Variants in PTPRD observed in about 807,000 individuals in gnomAD.
PTPRD encodes the protein receptor-type tyrosine-protein phosphatase delta.
In PTPRD, 34 loss-of-function variants were observed where a neutral mutation model predicts 214.5. The observed-to-expected ratio is 0.16, with a 90% confidence interval of 0.12 to 0.21. The LOEUF is 0.21. Ranked by LOEUF, PTPRD falls within the 10% of genes least tolerant of loss-of-function variation. PTPRD has a pLI of 1.00. For missense variants in PTPRD, 2,545 were observed against 2,398.7 expected (o/e 1.06, Z -1.27); for synonymous variants, 1,128 against 845.7 (o/e 1.33, Z -5.79).
intron 5 of PTPRD, among the ~76,000 whole-genome samples, chr9:9,836,260 C>T (rs1246325823): frequency 2.0e-5 from 3 of 152,126 alleles, no homozygotes; most frequent in Non-Finnish European, 4.4e-5. Context: ...TACAAGTTAA[C>T]TTAAGGCTTA....
chr9:9,314,162 A>G (rs1346616285), intron 9 of PTPRD, among the ~76,000 whole-genome samples: 3 of 152,160 alleles, frequency 2.0e-5, no homozygotes, highest in African/African-American at 4.8e-5. Context: ...TAGTCTGAAT[A>G]TGGTAATTTT....
intron 39 of PTPRD, among the ~76,000 whole-genome samples, chr9:8,363,416 A>G (rs1234189239): frequency 1.3e-5 from 2 of 152,206 alleles, no homozygotes; most frequent in South Asian, 2.1e-4. Context: ...ATACACATCT[A>G]GGGGTAGTTA....
rs79357171 is a variant in PTPRD at position 9,356,817 on chromosome 9, C to T, written c.-203+40632G>A. 8.5e-3 allele frequency among the ~76,000 whole-genome samples: 1,290 copies of T among 151,390 alleles called. 23 individuals carry two copies. The highest frequency in any genetic ancestry group is 0.03 in the African/African-American group (1,230 of 41,418). On this transcript the variant is annotated intron_variant, in intron 9 of 45. Coordinates refer to ENST00000381196, the MANE Select transcript of PTPRD (RefSeq NM_002839.4). ...ACATTCTGTTGATGATCTCCAAGGTCCATTCTAATAAATTCAATACAAAAA... is the reference window on the plus strand; with the variant it reads ...ACATTCTGTTGATGATCTCCAAGGTTCATTCTAATAAATTCAATACAAAAA...
chr9:9,694,612 A>T (rs1038467085), intron 7 of PTPRD, among the ~76,000 whole-genome samples: 1 of 152,042 alleles, frequency 6.6e-6, no homozygotes, highest in African/African-American at 2.4e-5. Context: ...TTAAAGTAAA[A>T]AAACCTTAGC....
intron 10 of PTPRD, among the ~76,000 whole-genome samples, chr9:9,152,355 G>A (rs372447104): frequency 2.8e-4 from 42 of 152,080 alleles, no homozygotes; most frequent in African/African-American, 9.9e-4. Context: ...TGTATACCCA[G>A]GTAAAATTTT....
intron 9 of PTPRD, among the ~76,000 whole-genome samples, chr9:9,199,157 A>C (rs1282484749): frequency 6.6e-6 from 1 of 152,182 alleles, no homozygotes; most frequent in African/African-American, 2.4e-5. Flanking sequence ...AAAAAAAGAA[A>C]GAGGAGAGAA....
chr9:10,587,655 T>G (rs538733820), intron 2 of PTPRD, among the ~76,000 whole-genome samples: 1 of 152,078 alleles, frequency 6.6e-6, no homozygotes, highest in Admixed American at 6.6e-5. Context: ...CAAGAGCATA[T>G]AGCTTGTCAG....
At chr9:9,156,401 G>A (rs1249428847) in intron 10 of PTPRD, among the ~76,000 whole-genome samples, 1 of 151,196 alleles carries the variant, frequency 6.6e-6, no homozygotes, top group Non-Finnish European at 1.5e-5. Context: ...TAAAAAGTAA[G>A]CAGATTCATA....
chr9:9,629,985 T>G (rs114210567), intron 7 of PTPRD, among the ~76,000 whole-genome samples: 1 of 152,040 alleles, frequency 6.6e-6, no homozygotes, highest in Non-Finnish European at 1.5e-5. Context: ...CCTCCCTTTT[T>G]TTTCCAGCTT....
intron 7 of PTPRD, among the ~76,000 whole-genome samples, chr9:9,683,979 G>T (rs549659751): frequency 6.6e-6 from 1 of 151,586 alleles, no homozygotes; most frequent in South Asian, 2.1e-4. Context: ...GCCAAAACAC[G>T]CTCTGAAAAT....
chr9:9,569,233 T>G (rs1007169830), intron 8 of PTPRD, among the ~76,000 whole-genome samples: 13 of 151,438 alleles, frequency 8.6e-5, no homozygotes, highest in Non-Finnish European at 1.6e-4. Flanking sequence ...GTAATGAAAT[T>G]AAAACCATTG....
In PTPRD at chr9:8,508,616, T is replaced by TA. The variant is rs534098828; in HGVS notation, c.1544-1183dup. On this transcript the variant is annotated intron_variant, in intron 21 of 45. Transcript: ENST00000381196. Reference sequence around the variant, plus strand: ...ACAATAATACTTCATAGCAGAGGAGTAAAAAAACATCTAAAGTGTGCTTTA... The same window carrying TA: ...ACAATAATACTTCATAGCAGAGGAGTAAAAAAAACATCTAAAGTGTGCTTTA... Among the ~76,000 whole-genome samples, 25 of 152,026 alleles carry TA rather than the reference T, an allele frequency of 1.6e-4. 1 individual carries two copies. The highest frequency in any genetic ancestry group is 1.4e-3 in the Admixed American group (22 of 15,276).
intron 3 of PTPRD, among the ~76,000 whole-genome samples, chr9:10,313,210 C>A (rs572042060): frequency 2.0e-5 from 3 of 151,966 alleles, no homozygotes; most frequent in East Asian, 3.9e-4. Context: ...GTCCAGGAAA[C>A]CATCCCGATA....
intron 10 of PTPRD, among the ~76,000 whole-genome samples, chr9:9,133,533 T>G (rs12336672): frequency 0.054 from 8,220 of 152,148 alleles, 517 homozygotes; most frequent in African/African-American, 0.14. Context: ...ATAAACAAAG[T>G]AATGTGTGCA....
chr9:9,113,859 T>C (rs1307542797), intron 10 of PTPRD, among the ~76,000 whole-genome samples: 3 of 152,168 alleles, frequency 2.0e-5, no homozygotes, highest in African/African-American at 7.2e-5. Flanking sequence ...CTCAGTTCTC[T>C]TTATAGATAG....
At chr9:9,009,729 C>T (rs1055543149) in intron 11 of PTPRD, among the ~76,000 whole-genome samples, 1 of 151,928 alleles carries the variant, frequency 6.6e-6, no homozygotes, top group African/African-American at 2.4e-5. Context: ...ATGTATGTGC[C>T]AATTTGGAAA....
At chr9:10,310,855 T>C (rs538226391) in intron 3 of PTPRD, among the ~76,000 whole-genome samples, 3 of 152,048 alleles carry the variant, frequency 2.0e-5, no homozygotes, top group Non-Finnish European at 4.4e-5. Context: ...TTTTCATTAA[T>C]ATGTTGTTAC....
intron 8 of PTPRD, among the ~76,000 whole-genome samples, chr9:9,398,622 G>A (rs185049578): frequency 1.3e-5 from 2 of 151,902 alleles, no homozygotes; most frequent in African/African-American, 4.8e-5. Flanking sequence ...AGAAATTGAG[G>A]GTGAAGAATG....
intron 3 of PTPRD, among the ~76,000 whole-genome samples, chr9:10,334,480 C>G (rs1472597659): frequency 1.3e-5 from 2 of 150,774 alleles, no homozygotes; most frequent in Non-Finnish European, 3.0e-5. Context: ...GTGAGAAGCT[C>G]GAGGCTTTCT....
Sources: gnomAD v4.1 joint callset for allele counts (sites outside exome capture counted in the v4.1 genomes callset) on GRCh38, gnomAD v4.1.1 for gene constraint, MANE v1.5 for transcripts, NCBI Gene and HGNC (gene_info 2026-07-23, HGNC 2026-07-21) for gene names.